Variants in ELP4 observed in about 807,000 individuals in gnomAD.
The protein encoded by ELP4 is elongator acetyltransferase complex subunit 4.
In ELP4, 51 loss-of-function variants were observed where a neutral mutation model predicts 48.9. The observed-to-expected ratio is 1.04, with a 90% CI of 0.83 to 1.32. The LOEUF is 1.32. Among genes scored for constraint, ELP4 ranks in the 40% most tolerant of loss-of-function variants. The pLI is 0.00. For missense variants in ELP4, 519 were observed against 514.6 expected, an observed-to-expected ratio of 1.01 and a Z score of -0.08; for synonymous variants, 210 against 189.2, an observed-to-expected ratio of 1.11 and a Z score of -0.90.
intron 7 of ELP4, 56 bp from the exon 8 acceptor site, chr11:31,647,685 A>G: frequency 2.9e-6 from 3 of 1,044,162 alleles, no homozygotes; most frequent in Non-Finnish European, 3.0e-6. Context: ...TATTTTATAG[A>G]TATTATACTA....
At chr11:31,646,799 G>A (rs568715882) in intron 7 of ELP4, 1 of 151,020 alleles carries the variant, frequency 6.6e-6, no homozygotes, top group East Asian at 2.0e-4. Context: ...AGACATCATA[G>A]CATATAATCA....
intron 9 of ELP4, among the ~76,000 whole-genome samples, chr11:31,672,012 T>C (rs923943277): frequency 1.3e-5 from 2 of 151,892 alleles, no homozygotes; most frequent in Admixed American, 6.6e-5. Context: ...GGCTGCTTAG[T>C]GTTCATTTTT....
In ELP4 at chr11:31,746,214, C is replaced by T. The variant is rs897967269; in HGVS notation, c.1144-37179C>T. On this transcript the variant is annotated intron_variant, in intron 9 of 9. Transcript: ENST00000640961. ...TACCATCTCACACCAGTTAGAATGG[C>T]GGTCATTAAAAAGTCAGGAAATAAC... Among the ~76,000 whole-genome samples, 11 of 152,240 alleles carry T rather than the reference C, an allele frequency of 7.2e-5. 1 individual carries two copies. The highest frequency in any genetic ancestry group is 4.2e-4 in the South Asian group (2 of 4,818).
At chr11:31,609,233 C>T (rs1282324863) in intron 5 of ELP4, among the ~76,000 whole-genome samples, 6 of 152,056 alleles carry the variant, frequency 3.9e-5, no homozygotes, top group East Asian at 1.9e-4. Context: ...GCCAGGTTGG[C>T]GAATAGCCGC....
At chr11:31,633,271 T>C (rs927322595) in intron 7 of ELP4, 2 of 151,996 alleles carry the variant, frequency 1.3e-5, no homozygotes, top group Non-Finnish European at 2.9e-5. Flanking sequence ...ATATAGCAAA[T>C]ATGACTGAAA....
chr11:31,633,026 T>A (rs955853747), intron 7 of ELP4: 2 of 152,092 alleles, frequency 1.3e-5, no homozygotes, highest in African/African-American at 4.8e-5. Flanking sequence ...AGGGAGGGCC[T>A]GATATTTATA....
At chr11:31,545,327 T>C (rs1396884598) in intron 3 of ELP4, among the ~76,000 whole-genome samples, 7 of 151,994 alleles carry the variant, frequency 4.6e-5, no homozygotes, top group East Asian at 1.9e-4. Context: ...TCGAGAACTA[T>C]GTGAAGAATG....
chr11:31,768,866 G>C (rs1013171605), intron 9 of ELP4, among the ~76,000 whole-genome samples: 1 of 152,152 alleles, frequency 6.6e-6, no homozygotes, highest in Non-Finnish European at 1.5e-5. Flanking sequence ...CTGGGGGTGT[G>C]GGGGTAGGGA....
At position 31,624,475 on chromosome 11, in the gene ELP4, G is replaced by T. The variant is rs118132096; in HGVS notation, c.654-2635G>T. 6.9e-4 allele frequency among the ~76,000 whole-genome samples: 105 copies of T among 151,650 alleles called. 1 individual carries two copies. In the East Asian group the frequency reaches 0.02, roughly 28 times the overall value. On this transcript the variant is annotated intron_variant, in intron 5 of 9. Transcript: ENST00000640961. ...GGTACACCTGTATAAGACACTTACCGAGAATGGAGCTTACAGGACTGGAAG... is the reference window on the plus strand; with the variant it reads ...GGTACACCTGTATAAGACACTTACCTAGAATGGAGCTTACAGGACTGGAAG...
chr11:31,705,619 C>A (rs1338396419), intron 9 of ELP4, among the ~76,000 whole-genome samples: 2 of 152,104 alleles, frequency 1.3e-5, no homozygotes, highest in Non-Finnish European at 2.9e-5. Flanking sequence ...TCCTCTGCAA[C>A]TGTAGTTATT....
At chr11:31,630,941 C>T (rs890388189) in intron 6 of ELP4, among the ~76,000 whole-genome samples, 1 of 151,432 alleles carries the variant, frequency 6.6e-6, no homozygotes, top group Non-Finnish European at 1.5e-5. Flanking sequence ...AAGACACTGT[C>T]TCAAAAAAAA....
intron 8 of ELP4, chr11:31,649,629 G>A (rs1314353888): frequency 6.6e-6 from 1 of 151,818 alleles, no homozygotes; most frequent in African/African-American, 2.4e-5. Flanking sequence ...TTCTTCAATG[G>A]TTTGTTCAAG....
At chr11:31,569,396 A>G (rs1443465330) in intron 3 of ELP4, among the ~76,000 whole-genome samples, 2 of 152,170 alleles carry the variant, frequency 1.3e-5, no homozygotes, top group Non-Finnish European at 2.9e-5. Context: ...TTAAATCAAC[A>G]AGTAGAAAAC....
chr11:31,581,733 T>C (rs1392008255), intron 3 of ELP4, among the ~76,000 whole-genome samples: 1 of 150,904 alleles, frequency 6.6e-6, no homozygotes, highest in Non-Finnish European at 1.5e-5. Flanking sequence ...AATGTTTTCT[T>C]TTTTCTCTCA....
At chr11:31,526,229 T>G (rs1185893030) in intron 2 of ELP4, among the ~76,000 whole-genome samples, 1 of 152,100 alleles carries the variant, frequency 6.6e-6, no homozygotes, top group Non-Finnish European at 1.5e-5. Flanking sequence ...GTAGCTGAGA[T>G]TCACAATCAA....
intron 7 of ELP4, among the ~76,000 whole-genome samples, chr11:31,642,118 A>T (rs1945111805): frequency 6.6e-6 from 1 of 151,948 alleles, no homozygotes; most frequent in Non-Finnish European, 1.5e-5. Flanking sequence ...ATATTATACC[A>T]TTATTCTGTC....
At chr11:31,532,052 A>G (rs1341004386) in intron 2 of ELP4, among the ~76,000 whole-genome samples, 1 of 152,208 alleles carries the variant, frequency 6.6e-6, no homozygotes, top group East Asian at 1.9e-4. Flanking sequence ...CGCACAAGGC[A>G]CTGATTTAAG....
At chr11:31,596,413 G>T (rs991626194) in intron 4 of ELP4, among the ~76,000 whole-genome samples, 1 of 152,018 alleles carries the variant, frequency 6.6e-6, no homozygotes, top group African/African-American at 2.4e-5. Context: ...CAAAAAACAT[G>T]TATATATACA....
At chr11:31,521,281 A>G (rs954999214) in intron 2 of ELP4, among the ~76,000 whole-genome samples, 6 of 151,642 alleles carry the variant, frequency 4.0e-5, no homozygotes, top group African/African-American at 1.5e-4. Flanking sequence ...TGCAAAGTGC[A>G]TTATGTTTTT....
Sources: allele counts gnomAD v4.1 joint callset (sites outside exome capture counted in the v4.1 genomes callset), GRCh38; gene constraint gnomAD v4.1.1; transcripts MANE v1.5; gene names NCBI Gene and HGNC (gene_info 2026-07-23, HGNC 2026-07-21).